Variants in USP54 observed in about 807,000 individuals in gnomAD.
USP54 encodes the protein ubiquitin specific peptidase 54, also known as ubiquitin carboxyl-terminal hydrolase 54.
Under a neutral mutation model 170.5 loss-of-function variants are expected in USP54, and 87 were observed. The observed-to-expected ratio is 0.51, with a 90% confidence interval of 0.43 to 0.61. The LOEUF (loss-of-function observed/expected upper bound fraction) is 0.61. Among genes scored for constraint, USP54 ranks in the 20% least tolerant of loss-of-function variants. USP54 has a pLI of 0.00. For synonymous variants in USP54, 655 were observed against 742.8 expected, an observed-to-expected ratio of 0.88 and a Z score of 1.92; for missense variants, 1,786 against 2,047.8, an observed-to-expected ratio of 0.87 and a Z score of 2.47.
intron 1 of USP54, among the ~76,000 whole-genome samples, chr10:73,596,505 G>A (rs2132245258): frequency 6.6e-6 from 1 of 151,934 alleles, no homozygotes; most frequent in Middle Eastern, 3.4e-3. Flanking sequence ...CTTGCAGTGA[G>A]CCGAGATCGC....
At chr10:73,595,083 A>G (rs1213785888), upstream of USP54, among the ~76,000 whole-genome samples, 1 of 151,890 alleles carries the variant, frequency 6.6e-6, no homozygotes, top group African/African-American at 2.4e-5. Flanking sequence ...ACACCACCAC[A>G]CCTGGCTAAT....
chr10:73,539,667 C>T (rs1298740405), intron 9 of USP54, 74 bp from the exon 10 acceptor site: 2 of 1,427,318 alleles, frequency 1.4e-6, no homozygotes, highest in Non-Finnish European at 1.9e-6. Flanking sequence ...GCAGACTCCA[C>T]CAGCATTTCT....
At chr10:73,551,795 T>C (rs1389226112) in intron 4 of USP54, among the ~76,000 whole-genome samples, 2 of 152,190 alleles carry the variant, frequency 1.3e-5, no homozygotes, top group African/African-American at 2.4e-5. Flanking sequence ...AACAAACCAA[T>C]AGGAAATTAT....
At chr10:73,550,840 C>T (rs1202773833) in intron 4 of USP54, among the ~76,000 whole-genome samples, 1 of 152,156 alleles carries the variant, frequency 6.6e-6, no homozygotes, top group African/African-American at 2.4e-5. Flanking sequence ...GGCGTGGTGG[C>T]TCACGCCTGC....
At chr10:73,589,817 G>A (rs751164703) in intron 1 of USP54, among the ~76,000 whole-genome samples, 5 of 152,166 alleles carry the variant, frequency 3.3e-5, no homozygotes, top group Non-Finnish European at 5.9e-5. Context: ...AAAGAAAGGA[G>A]AATATCTATA....
chr10:73,619,284 G>C (rs2080898269), intron 1 of USP54, among the ~76,000 whole-genome samples: 4 of 150,294 alleles, frequency 2.7e-5, no homozygotes. Flanking sequence ...CTGGAGCGCA[G>C]TAGTGGAATC....
chr10:73,586,298 G>A (rs1196153787), intron 1 of USP54, among the ~76,000 whole-genome samples: 1 of 151,928 alleles, frequency 6.6e-6, no homozygotes, highest in Non-Finnish European at 1.5e-5. Context: ...ATTTATTCTT[G>A]CTGAAAATCT....
intron 1 of USP54, among the ~76,000 whole-genome samples, chr10:73,580,411 G>A (rs2076746186): frequency 6.6e-6 from 1 of 151,746 alleles, no homozygotes; most frequent in Non-Finnish European, 1.5e-5. Flanking sequence ...GTCATGAGCT[G>A]TATAACAATG....
chr10:73,501,504 C>A (rs1027495198), intron 22 of USP54, among the ~76,000 whole-genome samples: 1 of 152,166 alleles, frequency 6.6e-6, no homozygotes, highest in African/African-American at 2.4e-5. Context: ...CCTAAATCAC[C>A]CATATTCAAA....
At chr10:73,584,438 G>A (rs773725737) in intron 1 of USP54, among the ~76,000 whole-genome samples, 7 of 152,076 alleles carry the variant, frequency 4.6e-5, no homozygotes, top group Admixed American at 3.9e-4. Context: ...AATCCACTGA[G>A]GGTTATATGT....
At chr10:73,531,618 T>C (rs1162381208) in intron 12 of USP54, among the ~76,000 whole-genome samples, 4 of 152,240 alleles carry the variant, frequency 2.6e-5, no homozygotes, top group Non-Finnish European at 5.9e-5. Flanking sequence ...TGATTTTATA[T>C]GGCTTTAAGA....
At chr10:73,509,419 T>C (rs938322448) in intron 20 of USP54, among the ~76,000 whole-genome samples, 14 of 140,328 alleles carry the variant, frequency 1.0e-4, no homozygotes, top group South Asian at 4.5e-4. Context: ...CTGGCCAACA[T>C]AGTGAAACCC....
intron 4 of USP54, among the ~76,000 whole-genome samples, chr10:73,550,728 T>C (rs2069096054): frequency 6.6e-6 from 1 of 152,184 alleles, no homozygotes; most frequent in African/African-American, 2.4e-5. Flanking sequence ...AGGAATCACC[T>C]TAAAAAGCAG....
intron 12 of USP54, among the ~76,000 whole-genome samples, chr10:73,532,346 G>T (rs1253866298): frequency 3.3e-5 from 5 of 151,586 alleles, no homozygotes; most frequent in African/African-American, 4.8e-5. Context: ...CTAACTTTTT[G>T]TATTTTTTTT....
intron 5 of USP54, 140 bp downstream of exon 5, chr10:73,545,398 C>T: frequency 5.3e-6 from 6 of 1,138,182 alleles, no homozygotes; most frequent in Non-Finnish European, 7.5e-6. Context: ...CATTTTAGAT[C>T]CCTGAAAAAT....
chr10:73,583,062 A>G (rs2077073293), intron 1 of USP54, among the ~76,000 whole-genome samples: 2 of 152,206 alleles, frequency 1.3e-5, no homozygotes, highest in African/African-American at 2.4e-5. Context: ...ACAAATCCAA[A>G]TTAAGGAATA....
Position 73,539,299 on chromosome 10 carries a change from A to G in USP54, c.975+145T>C, listed in dbSNP as rs937737198. ...ATCTCAAAAAAAAAAAAAATTAAAA[A>G]AAAAAAAAATATATATATATATATG... On this transcript the variant is annotated intron_variant, in intron 10 of 23. Coordinates refer to ENST00000687698, the MANE Select transcript of USP54 (RefSeq NM_001391956.1). 78 of 318,540 alleles carry G rather than the reference A, an allele frequency of 2.4e-4. 1 individual carries two copies. Among genetic ancestry groups the G allele is most frequent in the African/African-American group, 1.9e-3 (78 of 42,010 alleles). The allele number at this position is 318,540 out of a possible 1,614,324, so 19.7% of individuals were successfully genotyped here.
chr10:73,523,922 A>G (rs998818854), intron 16 of USP54, among the ~76,000 whole-genome samples, 172 bp from the exon 17 acceptor site: 1 of 140,694 alleles, frequency 7.1e-6, no homozygotes, highest in Non-Finnish European at 1.6e-5. Flanking sequence ...TATTATTATT[A>G]TTTTGAGACG....
At position 73,579,316 on chromosome 10, in the gene USP54, T is replaced by C. The variant is rs2132119473; in HGVS notation, c.-581-2955A>G. Among the ~76,000 whole-genome samples, 2 of 152,216 alleles carry C rather than the reference T, an allele frequency of 1.3e-5. 1 individual carries two copies. The highest frequency in any genetic ancestry group is 4.1e-4 in the South Asian group (2 of 4,820). On this transcript the variant is annotated intron_variant, in intron 1 of 23. Coordinates refer to ENST00000687698, the MANE Select transcript of USP54 (RefSeq NM_001391956.1). ...GAAAAAATTATAGAATTGAACTTCA[T>C]CATAAGAATGTCTGCTCTTTGGAAG...
Sources: allele counts gnomAD v4.1 joint callset (sites outside exome capture counted in the v4.1 genomes callset), GRCh38; gene constraint gnomAD v4.1.1; transcripts MANE v1.5; gene names NCBI Gene and HGNC (gene_info 2026-07-23, HGNC 2026-07-21).